Variants in LRP1B observed in about 807,000 individuals in gnomAD.
The protein encoded by LRP1B is LDL receptor related protein 1B, also known as low-density lipoprotein receptor-related protein 1B.
A neutral mutation model predicts 556.6 loss-of-function variants in LRP1B; 217 were observed. The observed-to-expected ratio is 0.39, with a 90% CI of 0.35 to 0.44. The LOEUF is 0.44. LRP1B is among the 20% of genes least tolerant of loss of function. The pLI, the probability that LRP1B is intolerant of heterozygous loss-of-function variation, is 1.00. For synonymous variants in LRP1B, 2,047 were observed against 1,865.8 expected (o/e 1.10, Z -2.50); for missense variants, 5,053 against 5,620.8 (o/e 0.90, Z 3.23).
intron 2 of LRP1B, among the ~76,000 whole-genome samples, chr2:141,576,050 C>G (rs969764526): frequency 3.3e-5 from 5 of 152,162 alleles, no homozygotes; most frequent in African/African-American, 1.2e-4. Context: ...CCTCAAGGAT[C>G]CAGAACCAGA....
At chr2:140,722,526 G>C (rs1369372409) in intron 35 of LRP1B, among the ~76,000 whole-genome samples, 1 of 152,006 alleles carries the variant, frequency 6.6e-6, no homozygotes, top group African/African-American at 2.4e-5. Context: ...ATACCTCTTA[G>C]TACAGTTGGA....
intron 1 of LRP1B, among the ~76,000 whole-genome samples, chr2:142,114,348 AATCAATT>A (rs1322790547): frequency 2.6e-5 from 4 of 152,120 alleles, no homozygotes; most frequent in Non-Finnish European, 4.4e-5. Context: ...GTCAGCATAT[AATCAATT>A]ATTGCAGTGA....
At chr2:140,277,448 G>A (rs1166549801) in intron 84 of LRP1B, among the ~76,000 whole-genome samples, 1 of 151,728 alleles carries the variant, frequency 6.6e-6, no homozygotes, top group Non-Finnish European at 1.5e-5. Flanking sequence ...TTAGCTGGAT[G>A]TGGTGGTGGG....
rs5834879 is a variant in LRP1B, at chr2:141,927,903, CAAAAAAA to C, written c.83-117509_83-117503del. On this transcript the variant is annotated intron_variant, in intron 1 of 90. Coordinates refer to ENST00000389484, the MANE Select transcript of LRP1B (RefSeq NM_018557.3). ...AAACTGAAACTCCAACTTGGCTTTA[CAAAAAAA>C]AAAAAAAAAAGAAAGAAAGAAAGAA... Among the ~76,000 whole-genome samples, 13 of 111,184 alleles carry C rather than the reference CAAAAAAA, an allele frequency of 1.2e-4. No homozygotes were observed. The South Asian group carries it at 1.3e-3, about 11-fold the overall frequency. 72.9% of individuals were successfully genotyped at this position (111,184 alleles called of 152,430 possible).
intron 1 of LRP1B, among the ~76,000 whole-genome samples, chr2:142,072,131 G>A (rs1221724752): frequency 6.6e-6 from 1 of 151,900 alleles, no homozygotes; most frequent in African/African-American, 2.4e-5. Context: ...CACTACCTAA[G>A]CTAATGCCTA....
intron 7 of LRP1B, among the ~76,000 whole-genome samples, chr2:141,084,440 T>C (rs1699998059): frequency 6.6e-6 from 1 of 152,174 alleles, no homozygotes; most frequent in Non-Finnish European, 1.5e-5. Context: ...GTATGTTAAA[T>C]TGAAAGTGTA....
chr2:140,431,904 T>C (rs1685962146), intron 66 of LRP1B, among the ~76,000 whole-genome samples: 1 of 152,038 alleles, frequency 6.6e-6, no homozygotes. Flanking sequence ...TCCCATTCTC[T>C]CTCCATACCA....
chr2:140,516,444 C>T (rs1574028999), intron 50 of LRP1B, among the ~76,000 whole-genome samples: 1 of 151,984 alleles, frequency 6.6e-6, no homozygotes, highest in South Asian at 2.1e-4. Context: ...ATATAAGGGA[C>T]TTGAGCATCC....
At chr2:140,314,318 G>A (rs1254733943) in intron 83 of LRP1B, among the ~76,000 whole-genome samples, 1 of 151,944 alleles carries the variant, frequency 6.6e-6, no homozygotes, top group Non-Finnish European at 1.5e-5. Context: ...TTTAATACAA[G>A]TCAGTAGAAG....
intron 7 of LRP1B, among the ~76,000 whole-genome samples, chr2:141,099,552 CGT>C (rs1700408579): frequency 6.6e-6 from 1 of 152,190 alleles, no homozygotes; most frequent in South Asian, 2.1e-4. Flanking sequence ...AATGTGCACA[CGT>C]GTGTTTGGAC....
In LRP1B at chr2:140,616,198, T is replaced by C. The variant is rs182442354; in HGVS notation, c.6800-14559A>G. Among the ~76,000 whole-genome samples, 113 of 152,124 alleles carry C rather than the reference T, an allele frequency of 7.4e-4. 1 individual carries two copies. The highest frequency in any genetic ancestry group is 2.6e-3 in the African/African-American group (108 of 41,562). On this transcript the variant is annotated intron_variant, in intron 41 of 90. Coordinates refer to ENST00000389484, the MANE Select transcript of LRP1B (RefSeq NM_018557.3). ...CTGTAGTTATTAGCAGTCAGTAATA[T>C]GTACTCATATTCAGGTACATTGGCC... is the stretch of plus-strand genomic sequence containing the variant.
At chr2:140,741,290 C>T (rs772202823) in intron 35 of LRP1B, among the ~76,000 whole-genome samples, 1 of 151,972 alleles carries the variant, frequency 6.6e-6, no homozygotes, top group Non-Finnish European at 1.5e-5. Context: ...TATGACAAAG[C>T]GAAGCCATGC....
intron 35 of LRP1B, among the ~76,000 whole-genome samples, chr2:140,755,561 G>A (rs1688716650): frequency 6.6e-6 from 1 of 151,682 alleles, no homozygotes; most frequent in South Asian, 2.1e-4. Context: ...AACAGAATAA[G>A]TGACAAAAGG....
chr2:141,747,289 C>T (rs977366384), intron 2 of LRP1B, among the ~76,000 whole-genome samples: 70 of 152,178 alleles, frequency 4.6e-4, no homozygotes, highest in African/African-American at 1.4e-3. Flanking sequence ...ATGTTAAAAC[C>T]GGTCTAAAAG....
chr2:140,899,590 A>T (rs1002539438), intron 23 of LRP1B, among the ~76,000 whole-genome samples: 1 of 152,198 alleles, frequency 6.6e-6, no homozygotes, highest in African/African-American at 2.4e-5. Context: ...GGTATGGTTA[A>T]TCTAAGGATT....
At chr2:140,976,694 A>G (rs1696613535) in intron 18 of LRP1B, among the ~76,000 whole-genome samples, 1 of 151,718 alleles carries the variant, frequency 6.6e-6, no homozygotes, top group African/African-American at 2.4e-5. Context: ...TGTTTTTAGT[A>G]GAGATGGGGT....
intron 2 of LRP1B, among the ~76,000 whole-genome samples, chr2:141,666,618 C>T (rs985492404): frequency 3.9e-5 from 6 of 152,204 alleles, no homozygotes; most frequent in African/African-American, 1.4e-4. Context: ...TGAGAAAAAT[C>T]TATCCCTGGT....
chr2:140,237,827 C>A (rs1452182114), intron 89 of LRP1B, among the ~76,000 whole-genome samples: 1 of 150,744 alleles, frequency 6.6e-6, no homozygotes, highest in Non-Finnish European at 1.5e-5. Context: ...AATACTAAAA[C>A]AATTTTTAAA....
At chr2:141,793,148 T>A (rs1339879539) in intron 2 of LRP1B, among the ~76,000 whole-genome samples, 1 of 152,026 alleles carries the variant, frequency 6.6e-6, no homozygotes, top group Non-Finnish European at 1.5e-5. Context: ...TAGTCAAGTA[T>A]CTTTTTGCTG....
Sources: allele counts gnomAD v4.1 joint callset (sites outside exome capture counted in the v4.1 genomes callset), GRCh38; gene constraint gnomAD v4.1.1; transcripts MANE v1.5; gene names NCBI Gene and HGNC (gene_info 2026-07-23, HGNC 2026-07-21).